Variants in RBM43 observed in about 807,000 individuals in gnomAD.
RBM43 encodes RNA binding motif protein 43, also known as RNA-binding protein 43.
Under a neutral mutation model 12.4 loss-of-function variants are expected in RBM43, and 12 were observed. That is an observed-to-expected ratio of 0.97 (90% CI 0.62 to 1.57). The LOEUF is 1.57. Ranked by LOEUF, RBM43 falls within the 40% of genes most tolerant of loss-of-function variation. The probability of loss-of-function intolerance (pLI) is 0.00; values close to 1 mark genes in which losing one functional copy is unlikely to be tolerated. For synonymous variants in RBM43, 138 were observed against 145.7 expected (o/e 0.95, Z 0.38); for missense variants, 348 against 400.1 (o/e 0.87, Z 1.11).
intron 1 of RBM43, chr2:151,261,488 C>A: frequency 6.5e-7 from 1 of 1,550,338 alleles, no homozygotes; most frequent in Non-Finnish European, 8.7e-7. Context: ...ACGTGAATTT[C>A]AGGAGCGCGC....
Position 151,255,558 on chromosome 2 carries a change from T to C in RBM43, c.189A>G (p.Ala63=). ...VIYPTRTKGV[A]YVIFKEKKVA... ...CTTTTTTTTCTTTGAATATTACATA[T>C]GCAACTCCCTTGGTTCTTGTCGGAT... The change falls in exon 2 of 4, where the codon GCA becomes GCG. Residue 63 remains alanine (A), a synonymous_variant. Coordinates refer to ENST00000331426, the MANE Select transcript of RBM43 (RefSeq NM_198557.3). The C allele has an allele frequency of 1.9e-6, 3 of 1,613,336 alleles. No homozygotes were observed. The highest frequency in any genetic ancestry group is 1.7e-4 in the Middle Eastern group (1 of 6,060).
chr2:151,254,295 CTCTCTCTCTCTT>C (rs1279633318), intron 2 of RBM43, among the ~76,000 whole-genome samples: 1 of 151,670 alleles, frequency 6.6e-6, no homozygotes, highest in Non-Finnish European at 1.5e-5. Flanking sequence ...CAATCTCTCT[CTCTCTCTCTCTT>C]TCTCTCTCTC....
At position 151,251,099 on chromosome 2, in the gene RBM43, T is replaced by C. The variant is rs1174406239; in HGVS notation, c.881A>G (p.Glu294Gly). The change falls in exon 4 of 4, where the codon GAG becomes GGG. Residue 294 changes from glutamate (E) to glycine (G), a missense_variant. Transcript: ENST00000331426. ...TTCCTTTCCTTCCAAAATAAATGTCTCTTTTCTAAGCTTTAAGTAAAGAGC... is the reference window on the plus strand; with the variant it reads ...TTCCTTTCCTTCCAAAATAAATGTCCCTTTTCTAAGCTTTAAGTAAAGAGC... ...SHALYLKLRK[E>G]TFILEGKENR... 1 of 1,613,786 alleles carries C rather than the reference T, an allele frequency of 6.2e-7. No homozygotes were observed. Among genetic ancestry groups the C allele is most frequent in the East Asian group, 2.2e-5 (1 of 44,868 alleles).
intron 1 of RBM43, among the ~76,000 whole-genome samples, chr2:151,257,630 T>C (rs1682992026): frequency 6.6e-6 from 1 of 151,614 alleles, no homozygotes; most frequent in South Asian, 2.1e-4. Flanking sequence ...GAGGCGGAGG[T>C]TGGGGTGAGC....
intron 1 of RBM43, among the ~76,000 whole-genome samples, chr2:151,255,956 TA>T (rs1389476297): frequency 1.3e-5 from 2 of 152,144 alleles, no homozygotes; most frequent in Admixed American, 6.6e-5. Context: ...ATGTAAAAAT[TA>T]AACCCTTCTT....
rs548039579 is a variant in RBM43, at chr2:151,259,674, T to C, written c.3+2051A>G. Among the ~76,000 whole-genome samples, 6 of 151,666 alleles carry C rather than the reference T, an allele frequency of 4.0e-5. No individual in the cohort carries two copies. In the South Asian group the frequency reaches 1.3e-3, roughly 32 times the overall value. ...AAAATAAAAACATTGAAAATTTAAATATGGTTACAAAAAAACAGAAATGCT... is the reference window on the plus strand; with the variant it reads ...AAAATAAAAACATTGAAAATTTAAACATGGTTACAAAAAAACAGAAATGCT... On this transcript the variant is annotated intron_variant, in intron 1 of 3. Coordinates refer to ENST00000331426, the MANE Select transcript of RBM43 (RefSeq NM_198557.3).
chr2:151,261,580 T>TCCCTGGGGC, intron 1 of RBM43, 145 bp downstream of exon 1: 1 of 1,537,344 alleles, frequency 6.5e-7, no homozygotes. Context: ...GCCCCCGGGG[T>TCCCTGGGGC]CCCTGGGGCC....
intron 1 of RBM43, among the ~76,000 whole-genome samples, chr2:151,259,594 G>A (rs562262210): frequency 2.6e-5 from 4 of 151,916 alleles, no homozygotes; most frequent in African/African-American, 9.7e-5. Context: ...AGCCAAGATC[G>A]CACCACTGCA....
chr2:151,259,929 G>C (rs750997009), intron 1 of RBM43, among the ~76,000 whole-genome samples: 1 of 151,534 alleles, frequency 6.6e-6, no homozygotes, highest in Non-Finnish European at 1.5e-5. Context: ...GCAGTGGCGC[G>C]ATCTTGGCTC....
intron 2 of RBM43, 63 bp downstream of exon 2, chr2:151,255,470 T>C: frequency 8.9e-7 from 1 of 1,122,970 alleles, no homozygotes; most frequent in Non-Finnish European, 1.3e-6. Context: ...TTTAATAAAA[T>C]GTAATTTTTA....
chr2:151,253,613 A>G (rs753499900), intron 2 of RBM43, among the ~76,000 whole-genome samples: 2 of 152,190 alleles, frequency 1.3e-5, no homozygotes, highest in Non-Finnish European at 2.9e-5. Flanking sequence ...GATGAGTAGT[A>G]ATTCCTGTTG....
At chr2:151,256,298 T>C (rs544609210) in intron 1 of RBM43, among the ~76,000 whole-genome samples, 2 of 152,194 alleles carry the variant, frequency 1.3e-5, no homozygotes, top group East Asian at 3.9e-4. Context: ...TGGTTAATAT[T>C]TGTCTGATTT....
chr2:151,255,156 T>C (rs757889802), intron 2 of RBM43, among the ~76,000 whole-genome samples: 1 of 152,230 alleles, frequency 6.6e-6, no homozygotes, highest in Non-Finnish European at 1.5e-5. Context: ...GGCTCATGCC[T>C]GTAATCCCAG....
intron 1 of RBM43, chr2:151,261,416 T>A (rs557185237): frequency 2.8e-4 from 437 of 1,550,566 alleles, no homozygotes; most frequent in South Asian, 6.2e-4. Flanking sequence ...GCCTGGGCAG[T>A]GGGTGTGGGA....
chr2:151,250,996 A>G lies in RBM43; in HGVS notation c.984T>C (p.Tyr328=), dbSNP rs1173817629. The G allele has an allele frequency of 3.1e-6, 5 of 1,612,840 alleles. 1 individual carries two copies. In the South Asian group the frequency reaches 4.4e-5, roughly 14 times the overall value. Residue 328 remains tyrosine (Y), a synonymous_variant, in exon 4 of 4, where the codon TAT becomes TAC. Transcript: ENST00000331426. ...ATCCTATAATGTCAATGTGTGTCCT[A>G]TAAAGGTTAATCAGGACTTCAAGGT... is the stretch of plus-strand genomic sequence containing the variant. ...SRYLEVLINL[Y]RTHIDIIGSS... is the part of the protein sequence containing the mutation.
At position 151,255,620 on chromosome 2, in the gene RBM43, T is replaced by A. The variant is rs762143025; in HGVS notation, c.127A>T (p.Ile43Phe). ...AVLVKSHFQD[I>F]KNEGGDVEDV... is the part of the protein sequence containing the mutation. ...TCAACATCTCCGCCCTCATTCTTAA[T>A]GTCTTGGAAGTGGCTCTTCACTAAT... is the stretch of plus-strand genomic sequence containing the variant. The change falls in exon 2 of 4, where the codon ATT (isoleucine) becomes TTT (phenylalanine). Residue 43 changes from isoleucine to phenylalanine, a missense_variant. Transcript: ENST00000331426. The A allele has an allele frequency of 1.1e-5, 18 of 1,613,890 alleles. No homozygotes were observed. Among genetic ancestry groups the A allele is most frequent in the Non-Finnish European group, 1.4e-5 (17 of 1,179,954 alleles).
rs1682852384 is a variant in RBM43 at position 151,248,733 on chromosome 2, T to G, written c.*2173A>C. On this transcript the variant is annotated 3_prime_UTR_variant, in exon 4 of 4. Coordinates refer to ENST00000331426, the MANE Select transcript of RBM43 (RefSeq NM_198557.3). ...TTCCAGAAAATATTCTGGCATGCCT[T>G]TGAACTTTGAGAGCTCATTTCGTGG... 1.3e-5 allele frequency: 2 copies of G among 152,182 alleles called. No homozygotes were observed. Among genetic ancestry groups the G allele is most frequent in the Non-Finnish European group, 2.9e-5 (2 of 68,026 alleles). The allele number at this position is 152,182 out of a possible 1,614,324, so 9.4% of individuals were successfully genotyped here.
chr2:151,258,978 A>G (rs1683010662), intron 1 of RBM43, among the ~76,000 whole-genome samples: 2 of 152,014 alleles, frequency 1.3e-5, no homozygotes, highest in Non-Finnish European at 2.9e-5. Flanking sequence ...CCCCAACTCT[A>G]CTAAAACTAC....
intron 1 of RBM43, among the ~76,000 whole-genome samples, chr2:151,258,383 T>TCA (rs201767483): frequency 1.3e-4 from 18 of 140,942 alleles, no homozygotes; most frequent in Admixed American, 1.2e-3. Context: ...TTATTTTACT[T>TCA]TAAAAAAAAA....
Sources: allele counts gnomAD v4.1 joint callset (sites outside exome capture counted in the v4.1 genomes callset), GRCh38; gene constraint gnomAD v4.1.1; transcripts MANE v1.5; gene names NCBI Gene and HGNC (gene_info 2026-07-23, HGNC 2026-07-21).